CATSPER4: variants seen among roughly 807,000 people sequenced by gnomAD.
CATSPER4 encodes cation channel sperm-associated protein 4.
In CATSPER4, 46 loss-of-function variants were observed where a neutral mutation model predicts 54.4. That is an observed-to-expected ratio of 0.84 (90% confidence interval 0.67 to 1.08). The LOEUF (loss-of-function observed/expected upper bound fraction) is 1.08, where lower values mean the gene tolerates loss of function less well. CATSPER4 is among the 50% of genes least tolerant of loss of function. CATSPER4 has a pLI of 0.00. For missense variants in CATSPER4, 574 were observed against 612.8 expected, an observed-to-expected ratio of 0.94 and a Z score of 0.67; for synonymous variants, 230 against 231.9, an observed-to-expected ratio of 0.99 and a Z score of 0.08.
Position 26,198,345 on chromosome 1 carries a change from C to T in CATSPER4, c.738C>T (p.Asn246=), listed in dbSNP as rs920052507. Residue 246 remains asparagine (N), a synonymous_variant, in exon 6 of 10, where the codon AAC becomes AAT. Transcript: ENST00000456354. ...CATTCGTGCCCAAGCATTTCCAGAA[C>T]ATACAGGTTGCGCTGTACACCCTCT... ...FGAFVPKHFQ[N]IQVALYTLFI... The T allele has an allele frequency of 3.7e-6, 6 of 1,614,052 alleles. No homozygotes were observed. The African/African-American group carries it at 6.7e-5, about 18-fold the overall frequency.
chr1:26,192,287 C>T (rs914191770), intron 2 of CATSPER4, among the ~76,000 whole-genome samples: 3 of 151,814 alleles, frequency 2.0e-5, no homozygotes, highest in African/African-American at 7.3e-5. Context: ...GCTACCATGC[C>T]TAATTAAAAA....
chr1:26,197,635 C>T, intron 3 of CATSPER4, 51 bp from the exon 4 acceptor site: 1 of 1,300,124 alleles, frequency 7.7e-7, no homozygotes. Context: ...ACCTAGGATG[C>T]CCCCATGGGC....
In CATSPER4 at chr1:26,192,504, C is replaced by T. The variant is rs1019887223; in HGVS notation, c.357+1074C>T. Among the ~76,000 whole-genome samples the T allele has an allele frequency of 2.6e-5, 4 of 151,940 alleles. No individual in the cohort carries two copies. In the South Asian group the frequency reaches 8.3e-4, roughly 32 times the overall value. On this transcript the variant is annotated intron_variant, in intron 2 of 9. Coordinates refer to ENST00000456354, the MANE Select transcript of CATSPER4 (RefSeq NM_198137.2). ...ACTTGAGAGGCTGAGGCAGGATAAT[C>T]GCTTGAAGCAGGGAGGCGGAGGTTG...
Position 26,202,809 on chromosome 1 carries a change from A to C in CATSPER4, c.*267A>C. ...TGAGCACAGAAGGGGGTGCTGGCCA[A>C]CGCAGCCAGGATTTGACCTAAGGAT... On this transcript the variant is annotated 3_prime_UTR_variant, in exon 10 of 10. Coordinates refer to ENST00000456354, the MANE Select transcript of CATSPER4 (RefSeq NM_198137.2). 1 of 539,038 alleles carries C rather than the reference A, an allele frequency of 1.9e-6. No individual in the cohort carries two copies. 33.4% of individuals were successfully genotyped at this position (539,038 alleles called of 1,614,324 possible).
chr1:26,201,636 C>T lies in CATSPER4; in HGVS notation c.1365+117C>T, dbSNP rs760957716. ...CTGTCTATTCCAAGATCTGGTCCCC[C>T]TCACCACCACCACCCCTCCTTTTTT... On this transcript the variant is annotated intron_variant, in intron 9 of 9. Transcript: ENST00000456354. The T allele has an allele frequency of 4.4e-6, 4 of 903,466 alleles. No individual in the cohort carries two copies. In the East Asian group the frequency reaches 9.7e-5, roughly 22 times the overall value. 56.0% of individuals were successfully genotyped at this position (903,466 alleles called of 1,614,324 possible). A position where few individuals can be genotyped will look rare whatever the true frequency, so the allele number is the denominator to read the frequency against.
At chr1:26,201,159 G>A in intron 8 of CATSPER4, 118 bp downstream of exon 8, 1 of 1,004,946 alleles carries the variant, frequency 1.0e-6, no homozygotes, top group Non-Finnish European at 1.6e-6. Flanking sequence ...CCCCACAGAG[G>A]TCCCCCACCC....
chr1:26,193,151 C>T (rs901699411), intron 2 of CATSPER4, among the ~76,000 whole-genome samples: 1 of 151,424 alleles, frequency 6.6e-6, no homozygotes, highest in Non-Finnish European at 1.5e-5. Context: ...TTAGTGGGGT[C>T]GCAGCCATAA....
chr1:26,201,218 A>C (rs544844334), intron 8 of CATSPER4, 136 bp from the exon 9 acceptor site: 52 of 1,046,440 alleles, frequency 5.0e-5, no homozygotes, highest in Non-Finnish European at 7.1e-5. Flanking sequence ...TCCATCTCAC[A>C]CAAGGGCACA....
Position 26,193,933 on chromosome 1 carries a change from A to C in CATSPER4, c.459+45A>C, listed in dbSNP as rs201113211. 1,245 of 1,299,610 alleles carry C rather than the reference A, an allele frequency of 9.6e-4. 14 individuals are homozygous for C. The African/African-American group carries it at 0.016, about 17-fold the overall frequency. 80.5% of individuals were successfully genotyped at this position (1,299,610 alleles called of 1,614,324 possible). On this transcript the variant is annotated intron_variant, in intron 3 of 9. Transcript: ENST00000456354. ...GCCCCTACTTCCCCCTGGGGACTGC[A>C]CACCACCCAGTCTGCCCCTGTACTC...
chr1:26,190,865 T>C (rs1302372284), intron 1 of CATSPER4, 25 bp downstream of exon 1: 2 of 1,573,430 alleles, frequency 1.3e-6, no homozygotes, highest in East Asian at 2.3e-5. Context: ...CGCCCCACAG[T>C]GGCCCCTTCT....
At chr1:26,200,088 G>C in intron 7 of CATSPER4, 30 bp downstream of exon 7, 1 of 1,604,014 alleles carries the variant, frequency 6.2e-7, no homozygotes, top group Non-Finnish European at 8.5e-7. Flanking sequence ...CAGAAGGGAG[G>C]AAAAGGAGTG....
Position 26,201,409 on chromosome 1 carries a change from T to A in CATSPER4, c.1255T>A (p.Leu419Met), listed in dbSNP as rs893055595. ...RFNQEQESEV[L>M]NRRSSTSGSL... ...CAACCAGGAGCAGGAGTCAGAGGTG[T>A]TGAACAGGCGCTCGTCGACGAGCGG... Residue 419 changes from leucine (L) to methionine (M), a missense_variant, in exon 9 of 10, where the codon TTG becomes ATG. Leu to Met is a conservative substitution (Grantham distance 15). Coordinates refer to ENST00000456354, the MANE Select transcript of CATSPER4 (RefSeq NM_198137.2). 1.2e-6 allele frequency: 2 copies of A among 1,614,074 alleles called. No homozygotes were observed. The highest frequency in any genetic ancestry group is 1.7e-6 in the Non-Finnish European group (2 of 1,179,990).
At chr1:26,197,913 G>T (rs996122889) in intron 4 of CATSPER4, 44 bp from the exon 5 acceptor site, 1 of 1,609,492 alleles carries the variant, frequency 6.2e-7, no homozygotes, top group Non-Finnish European at 8.5e-7. Context: ...GGAGGGAAGG[G>T]GCTGGGAAGG....
In CATSPER4 at chr1:26,191,352, C is replaced by T; in HGVS notation, c.279C>T (p.Ala93=). ...MYIKQLLRHP[A]FQLLLALLLV... ...TCAAGCAGCTGCTCCGACACCCCGC[C>T]TTCCAACTGCTGCTGGCCCTGCTGC... Residue 93 remains alanine (A), a synonymous_variant, in exon 2 of 10, where the codon GCC becomes GCT. Transcript: ENST00000456354. 1 of 1,614,242 alleles carries T rather than the reference C, an allele frequency of 6.2e-7. No homozygotes were observed. The highest frequency in any genetic ancestry group is 8.5e-7 in the Non-Finnish European group (1 of 1,180,048).
At chr1:26,202,419 G>C (rs1355683615) in intron 9 of CATSPER4, 70 bp from the exon 10 acceptor site, 1 of 1,368,296 alleles carries the variant, frequency 7.3e-7, no homozygotes. Flanking sequence ...TGAGACTGGA[G>C]GAGGTGAGTA....
At chr1:26,199,839 T>C in intron 6 of CATSPER4, 45 bp from the exon 7 acceptor site, 12 of 1,606,730 alleles carry the variant, frequency 7.5e-6, no homozygotes, top group Non-Finnish European at 1.0e-5. Flanking sequence ...AAACTCAGGC[T>C]TGAAGGGCCA....
intron 4 of CATSPER4, 29 bp downstream of exon 4, chr1:26,197,812 G>A (rs1045835377): frequency 1.2e-6 from 2 of 1,607,888 alleles, no homozygotes; most frequent in Admixed American, 3.3e-5. Flanking sequence ...AGAAATGAGG[G>A]GGACCTATCT....
At chr1:26,198,607 T>C (rs985512335) in intron 6 of CATSPER4, among the ~76,000 whole-genome samples, 188 bp downstream of exon 6, 2 of 152,218 alleles carry the variant, frequency 1.3e-5, no homozygotes, top group Admixed American at 1.3e-4. Flanking sequence ...TTGTCACCCT[T>C]GAATCTCCAT....
rs778169515 is a variant in CATSPER4, at chr1:26,191,290, G to T, written c.217G>T (p.Ala73Ser). Residue 73 changes from alanine (A) to serine (S), a missense_variant, in exon 2 of 10, where the codon GCC (alanine) becomes TCC (serine). Coordinates refer to ENST00000456354, the MANE Select transcript of CATSPER4 (RefSeq NM_198137.2). ...NRQEITNKAD[A>S]WDMQEFITHM... ...GGAAGGTCCTGCCCTCTTCCAGGAC[G>T]CCTGGGACATGCAGGAGTTCATCAC... 41 of 1,613,948 alleles carry T rather than the reference G, an allele frequency of 2.5e-5. No homozygotes were observed. The highest frequency in any genetic ancestry group is 3.3e-5 in the Admixed American group (2 of 59,992).
Sources: gnomAD v4.1 joint callset for allele counts (sites outside exome capture counted in the v4.1 genomes callset) on GRCh38, gnomAD v4.1.1 for gene constraint, MANE v1.5 for transcripts, NCBI Gene and HGNC (gene_info 2026-07-23, HGNC 2026-07-21) for gene names.